The following ATRNL1 variants were observed in gnomAD, a reference collection of about 807,000 sequenced individuals.
ATRNL1 encodes the protein attractin like 1.
Under a neutral mutation model 182.7 loss-of-function variants are expected in ATRNL1, and 95 were observed. The observed-to-expected ratio is 0.52, with a 90% CI of 0.44 to 0.62. The LOEUF (loss-of-function observed/expected upper bound fraction) is 0.62, where lower values mean the gene tolerates loss of function less well. ATRNL1 is among the 20% of genes least tolerant of loss of function. The probability of loss-of-function intolerance (pLI) is 0.00; values close to 1 mark genes in which losing one functional copy is unlikely to be tolerated. For synonymous variants in ATRNL1, 576 were observed against 568.3 expected (o/e 1.01, Z -0.19); for missense variants, 1,471 against 1,679.5 (o/e 0.88, Z 2.17).
chr10:115,843,306 A>C (rs1950852906), intron 27 of ATRNL1, among the ~76,000 whole-genome samples: 1 of 152,092 alleles, frequency 6.6e-6, no homozygotes, highest in Admixed American at 6.6e-5. Context: ...AGCATAGGGG[A>C]TATAGGGATG....
At chr10:115,744,923 ATATAT>A (rs1429432366) in intron 27 of ATRNL1, among the ~76,000 whole-genome samples, 3 of 152,124 alleles carry the variant, frequency 2.0e-5, no homozygotes, top group African/African-American at 7.2e-5. Context: ...ATGCAGAAAA[ATATAT>A]TATACAAATA....
At chr10:115,532,889 T>C (rs1554988799) in intron 25 of ATRNL1, among the ~76,000 whole-genome samples, 1 of 152,138 alleles carries the variant, frequency 6.6e-6, no homozygotes, top group Non-Finnish European at 1.5e-5. Flanking sequence ...TTTTTGTCTT[T>C]GGTTCTGTTT....
chr10:115,224,136 C>A (rs1849603214), intron 9 of ATRNL1, among the ~76,000 whole-genome samples: 1 of 150,886 alleles, frequency 6.6e-6, no homozygotes, highest in African/African-American at 2.4e-5. Flanking sequence ...GGGGTTTCAC[C>A]CTGTTAGCCA....
At chr10:115,834,016 A>G (rs1950613660) in intron 27 of ATRNL1, among the ~76,000 whole-genome samples, 1 of 151,914 alleles carries the variant, frequency 6.6e-6, no homozygotes, top group Non-Finnish European at 1.5e-5. Flanking sequence ...GCTATGCTCA[A>G]CTGCCGGAGC....
chr10:115,621,804 T>TA (rs1555023020), intron 26 of ATRNL1, among the ~76,000 whole-genome samples: 1 of 152,226 alleles, frequency 6.6e-6, no homozygotes, highest in African/African-American at 2.4e-5. Flanking sequence ...AGTGTATACT[T>TA]ACCAGAAATT....
At chr10:115,880,651 T>C (rs1326667540) in intron 28 of ATRNL1, among the ~76,000 whole-genome samples, 1 of 151,474 alleles carries the variant, frequency 6.6e-6, no homozygotes, top group African/African-American at 2.4e-5. Flanking sequence ...AGAAAGGGAG[T>C]GGTACTGTGG....
chr10:115,379,914 C>T (rs781969929), intron 19 of ATRNL1, among the ~76,000 whole-genome samples: 6 of 152,178 alleles, frequency 3.9e-5, no homozygotes, highest in Non-Finnish European at 8.8e-5. Flanking sequence ...GCAAGCTCCA[C>T]CTCCCGGGTT....
chr10:115,407,087 CATTT>C (rs1161413589), intron 20 of ATRNL1, among the ~76,000 whole-genome samples: 3 of 151,864 alleles, frequency 2.0e-5, no homozygotes, highest in Non-Finnish European at 2.9e-5. Context: ...AAAATATTTT[CATTT>C]ATTTATTTAA....
intron 26 of ATRNL1, among the ~76,000 whole-genome samples, chr10:115,572,684 T>C (rs1854471401): frequency 6.6e-6 from 1 of 152,244 alleles, no homozygotes; most frequent in Non-Finnish European, 1.5e-5. Flanking sequence ...GAGAGAGGTC[T>C]GGGATTCCAG....
chr10:115,214,041 T>TACACACACAC (rs149167399), intron 8 of ATRNL1, among the ~76,000 whole-genome samples: 4,278 of 147,124 alleles, frequency 0.029, 65 homozygotes, highest in South Asian at 0.049. Context: ...TACAAATATG[T>TACACACACAC]ACACACACAC....
intron 28 of ATRNL1, among the ~76,000 whole-genome samples, chr10:115,921,781 AGTGTTG>A (rs1364674261): frequency 6.6e-6 from 1 of 152,216 alleles, no homozygotes; most frequent in Non-Finnish European, 1.5e-5. Context: ...GTTAGCGTAA[AGTGTTG>A]GTGAACCCAC....
chr10:115,844,059 C>A (rs782701912), intron 27 of ATRNL1, among the ~76,000 whole-genome samples: 1 of 152,064 alleles, frequency 6.6e-6, no homozygotes, highest in Non-Finnish European at 1.5e-5. Flanking sequence ...TAAATGTTAG[C>A]TATTATTACT....
intron 26 of ATRNL1, among the ~76,000 whole-genome samples, chr10:115,663,177 T>C (rs1860797726): frequency 6.6e-6 from 1 of 152,120 alleles, no homozygotes; most frequent in Non-Finnish European, 1.5e-5. Context: ...CTATGAATTA[T>C]TATTATTTCC....
intron 27 of ATRNL1, among the ~76,000 whole-genome samples, chr10:115,755,122 A>G (rs6585354): frequency 6.6e-6 from 1 of 152,144 alleles, no homozygotes; most frequent in Admixed American, 6.6e-5. Flanking sequence ...CAAACAGGGA[A>G]AATTTGACTT....
intron 27 of ATRNL1, among the ~76,000 whole-genome samples, chr10:115,805,272 C>A (rs1949893687): frequency 1.3e-5 from 2 of 152,144 alleles, no homozygotes; most frequent in Admixed American, 1.3e-4. Flanking sequence ...TTGGATGATT[C>A]ACTCACTTGT....
rs538647728 is a variant in ATRNL1, at chr10:115,498,306, A to G, written c.3655-20957A>G. Among the ~76,000 whole-genome samples the G allele has an allele frequency of 2.6e-5, 4 of 152,206 alleles. No homozygotes were observed. In the South Asian group the frequency reaches 8.3e-4, roughly 32 times the overall value. On this transcript the variant is annotated intron_variant, in intron 24 of 28. Transcript: ENST00000355044. ...TAAAGTTACAAATAAATTCCTATAA[A>G]CTATATATGGCATTACATGATTTTC...
chr10:115,611,820 A>T (rs1857172572), intron 26 of ATRNL1, among the ~76,000 whole-genome samples: 2 of 152,214 alleles, frequency 1.3e-5, no homozygotes, highest in African/African-American at 4.8e-5. Flanking sequence ...TGTTAATCAG[A>T]GCAACCTCTC....
rs1032335999 is a variant in ATRNL1 at position 115,941,821 on chromosome 10, C to T, written c.4019-2837C>T. Among the ~76,000 whole-genome samples the T allele has an allele frequency of 3.9e-5, 6 of 152,280 alleles. No individual in the cohort carries two copies. In the East Asian group the frequency reaches 1.2e-3, roughly 29 times the overall value. ...AAATAATAACAAGGTCCTTCAGCTC[C>T]ATTAATTAAACAAATAATGAAATAA... is the stretch of plus-strand genomic sequence containing the variant. On this transcript the variant is annotated intron_variant, in intron 28 of 28. Transcript: ENST00000355044.
intron 19 of ATRNL1, among the ~76,000 whole-genome samples, chr10:115,375,028 T>A (rs1334120982): frequency 6.6e-6 from 1 of 151,732 alleles, no homozygotes; most frequent in Non-Finnish European, 1.5e-5. Context: ...GTTTTTTTTT[T>A]AATAGACATT....
Sources: allele counts gnomAD v4.1 joint callset (sites outside exome capture counted in the v4.1 genomes callset), GRCh38; gene constraint gnomAD v4.1.1; transcripts MANE v1.5; gene names NCBI Gene and HGNC (gene_info 2026-07-23, HGNC 2026-07-21).